The following TRO variants were observed in gnomAD, a reference collection of about 807,000 sequenced individuals.
TRO encodes the protein trophinin, also known as MAGE superfamily protein.
Under a neutral mutation model 42.3 loss-of-function variants are expected in TRO, and 29 were observed. That is an observed-to-expected ratio of 0.68 (90% CI 0.51 to 0.93). The LOEUF (loss-of-function observed/expected upper bound fraction) is 0.93, where lower values mean the gene tolerates loss of function less well. Ranked by LOEUF, TRO falls within the 40% of genes least tolerant of loss-of-function variation. The probability of loss-of-function intolerance (pLI) is 0.00; values close to 1 mark genes in which losing one functional copy is unlikely to be tolerated. For synonymous variants in TRO, 384 were observed against 425.2 expected, an observed-to-expected ratio of 0.90 and a Z score of 1.19; for missense variants, 963 against 1,127.7, an observed-to-expected ratio of 0.85 and a Z score of 2.09.
At position 54,922,641 on chromosome X, in the gene TRO, A is replaced by G. The variant is rs751953629; in HGVS notation, c.109A>G (p.Thr37Ala). The G allele has an allele frequency of 8.3e-7, 1 of 1,211,228 alleles. No homozygotes were observed. The highest frequency in any genetic ancestry group is 2.2e-5 in the Admixed American group (1 of 45,981). Residue 37 changes from threonine to alanine, a missense_variant, in exon 3 of 13, where the codon ACA (threonine) becomes GCA (alanine). Around this residue, in one of 2 missense-constraint regions of TRO, gnomAD observed 322 missense variants for 316.5 expected, o/e 1.02. Transcript: ENST00000173898. ...CCCTCCAGATATACAGACTGAGACC[A>G]CAGAAGAGGACAGTGTCCTGCTGAT... ...PFPPDIQTET[T>A]EEDSVLLMHT...
intron 2 of TRO, 67 bp downstream of exon 2, chrX:54,922,358 C>G: frequency 9.0e-7 from 1 of 1,107,958 alleles, no homozygotes; most frequent in African/African-American, 1.8e-5. Context: ...GCTCTTCAGA[C>G]CCCTTCCACC....
Position 54,929,816 on chromosome X carries a change from G to A in TRO, c.3092G>A (p.Gly1031Asp). The change falls in exon 12 of 13, where the codon GGT (glycine) becomes GAT (aspartate). Residue 1031 changes from glycine to aspartate, a missense_variant. Transcript: ENST00000173898. ...SALNTNAGYG[G>D]AVSTNTDFGG... ...CTCAACACCAATGCTGGTTATGGTG[G>A]TGCTGTCAGCACCAACACTGACTTT... 4 of 1,210,391 alleles carry A rather than the reference G, an allele frequency of 3.3e-6. No individual in the cohort carries two copies. The highest frequency in any genetic ancestry group is 4.5e-6 in the Non-Finnish European group (4 of 895,122).
At chrX:54,922,400 C>T in intron 2 of TRO, 109 bp downstream of exon 2, 1 of 992,141 alleles carries the variant, frequency 1.0e-6, no homozygotes, top group East Asian at 3.3e-5. Flanking sequence ...CCTAACTCGT[C>T]TCAGTCCTCC....
rs1304348096 is a variant in TRO at position 54,923,445 on chromosome X, G to T, written c.913G>T (p.Ala305Ser). Residue 305 changes from alanine (A) to serine (S), a missense_variant, in exon 3 of 13, where the codon GCT (alanine) becomes TCT (serine). This residue lies in a region of TRO where 322 missense variants were observed against 316.5 expected (regional missense o/e 1.02). Coordinates refer to ENST00000173898, the MANE Select transcript of TRO (RefSeq NM_001039705.3). ...GCCCAAAAAATCCAAGGGCAAGAAG[G>T]CTGCCAGCAGGGGCCCAAATTCTGT... Reference protein sequence around the residue: ...IRPKKSKGKKAASRGPNSVSE... With the variant: ...IRPKKSKGKKSASRGPNSVSE... The T allele has an allele frequency of 2.4e-5, 28 of 1,189,922 alleles. No individual in the cohort carries two copies. The highest frequency in any genetic ancestry group is 3.2e-5 in the Non-Finnish European group (28 of 884,356).
chrX:54,930,944 G>A lies in TRO; in HGVS notation c.4220G>A (p.Gly1407Asp). 8.3e-7 allele frequency: 1 copy of A among 1,209,592 alleles called. No homozygotes were observed. Among genetic ancestry groups the A allele is most frequent in the Non-Finnish European group, 1.1e-6 (1 of 893,983 alleles). The change falls in exon 12 of 13, where the codon GGT becomes GAT. Residue 1407 changes from glycine to aspartate, a missense_variant. By Grantham distance (94) the Gly-to-Asp change is moderately conservative (BLOSUM62 -1). This residue lies in a region of TRO where 641 missense variants were observed against 811.3 expected (regional missense o/e 0.79). Coordinates refer to ENST00000173898, the MANE Select transcript of TRO (RefSeq NM_001039705.3). ...GGGPNTGAGFGGGPSTSAGFG... is the reference protein window; with the variant it reads ...GGGPNTGAGFDGGPSTSAGFG... Reference sequence around the variant, plus strand: ...GGACCAAACACTGGTGCTGGCTTTGGTGGTGGACCGAGCACCAGTGCTGGC... The same window carrying A: ...GGACCAAACACTGGTGCTGGCTTTGATGGTGGACCGAGCACCAGTGCTGGC...
At position 54,929,747 on chromosome X, in the gene TRO, G is replaced by T. The variant is rs1265586540; in HGVS notation, c.3023G>T (p.Cys1008Phe). 3 of 1,212,058 alleles carry T rather than the reference G, an allele frequency of 2.5e-6. No homozygotes were observed. In the East Asian group the frequency reaches 8.9e-5, roughly 36 times the overall value. The change falls in exon 12 of 13, where the codon TGC becomes TTC. Residue 1008 changes from cysteine (C) to phenylalanine (F), a missense_variant. Cys to Phe is a radical substitution (Grantham distance 205). This residue lies in a region of TRO where 641 missense variants were observed against 811.3 expected (regional missense o/e 0.79). Coordinates refer to ENST00000173898, the MANE Select transcript of TRO (RefSeq NM_001039705.3). The stretch of plus-strand genomic sequence containing the variant: ...GGCGGTACACTAAGCACCAGTGTCT[G>T]CTTTGGTGGCTCTCCTGGCACCAGT... ...DFGGTLSTSV[C>F]FGGSPGTSVS...
chrX:54,928,602 G>C lies in TRO; in HGVS notation c.1879-1G>C, dbSNP rs760415261. On this transcript the variant is annotated splice_acceptor_variant, in intron 11 of 12. Transcript: ENST00000173898. LOFTEE classifies it high-confidence loss of function. ...TATTATGATTATCATCCCCATTTCA[G>C]GTGCAGAAGAAAGACCCCAAGGACT... 3.5e-6 allele frequency: 4 copies of C among 1,141,342 alleles called. No individual in the cohort carries two copies. The East Asian group carries it at 9.1e-5, about 26-fold the overall frequency. 94.1% of individuals were successfully genotyped at this position (1,141,342 alleles called of 1,213,427 possible).
chrX:54,928,524 C>T (rs1448496613), intron 11 of TRO, 79 bp from the exon 12 acceptor site: 11 of 1,069,371 alleles, frequency 1.0e-5, no homozygotes, highest in Non-Finnish European at 1.4e-5. Context: ...AGTATTGCTA[C>T]TAGTTTAATA....
intron 6 of TRO, 63 bp downstream of exon 6, chrX:54,925,131 A>G (rs1932592244): frequency 2.9e-6 from 3 of 1,039,315 alleles, no homozygotes; most frequent in Middle Eastern, 2.8e-4. Flanking sequence ...AAAGACATAC[A>G]TGTCCCTTTT....
chrX:54,921,175 A>G (rs946686893), intron 1 of TRO: 2 of 110,839 alleles, frequency 1.8e-5, no homozygotes, highest in African/African-American at 6.6e-5. Flanking sequence ...AATCCTTCAG[A>G]CGGTAGCAAG....
At chrX:54,923,877 T>G in intron 3 of TRO, 109 bp downstream of exon 3, 1 of 821,637 alleles carries the variant, frequency 1.2e-6, no homozygotes, top group South Asian at 2.7e-5. Context: ...AGTCCCTGTG[T>G]TCAGATAGGC....
At chrX:54,927,293 G>T in intron 10 of TRO, 188 bp downstream of exon 10, 1 of 521,445 alleles carries the variant, frequency 1.9e-6, no homozygotes, top group African/African-American at 2.3e-5. Context: ...CTCAACACAA[G>T]GCCCTTGCAG....
In TRO at chrX:54,927,715, G is replaced by A; in HGVS notation, c.1812G>A (p.Glu604=). 1 of 1,211,609 alleles carries A rather than the reference G, an allele frequency of 8.3e-7. No individual in the cohort carries two copies. The change falls in exon 11 of 13, where the codon GAG becomes GAA. Residue 604 remains glutamate, a synonymous_variant. Transcript: ENST00000173898. ...RVPNSRPPEY[E]FFWGLRSYHE... ...CTAACAGCAGACCACCTGAATATGAGTTCTTCTGGGGCTTGCGCTCCTACC... is the reference window on the plus strand; with the variant it reads ...CTAACAGCAGACCACCTGAATATGAATTCTTCTGGGGCTTGCGCTCCTACC...
At position 54,927,689 on chromosome X, in the gene TRO, C is replaced by T; in HGVS notation, c.1786C>T (p.Pro596Ser). 1 of 1,210,363 alleles carries T rather than the reference C, an allele frequency of 8.3e-7. No homozygotes were observed. ...AAGGTACCTGGAGTACAAGAGGGTCCCTAACAGCAGACCACCTGAATATGA... is the reference window on the plus strand; with the variant it reads ...AAGGTACCTGGAGTACAAGAGGGTCTCTAACAGCAGACCACCTGAATATGA... ...KQKYLEYKRV[P>S]NSRPPEYEFF... Residue 596 changes from proline to serine, a missense_variant, in exon 11 of 13, where the codon CCT becomes TCT. By Grantham distance (74) the Pro-to-Ser change is moderately conservative (BLOSUM62 -1). Around this residue, in one of 2 missense-constraint regions of TRO, gnomAD observed 641 missense variants for 811.3 expected, o/e 0.79. Transcript: ENST00000173898.
chrX:54,928,555 A>G, intron 11 of TRO, 48 bp from the exon 12 acceptor site: 7 of 1,131,455 alleles, frequency 6.2e-6, no homozygotes, highest in Non-Finnish European at 8.2e-6. Context: ...AGGTTAATAC[A>G]TGATTACTAG....
rs1932796828 is a variant in TRO at position 54,927,239 on chromosome X, T to G, written c.1763+134T>G. ...GCATCCTGTGTCCTAGAACTGATAC[T>G]GTCTAAAATTCCCATGGGCAGACCT... On this transcript the variant is annotated intron_variant, in intron 10 of 12. Transcript: ENST00000173898. The G allele has an allele frequency of 6.7e-6, 5 of 744,686 alleles. No homozygotes were observed. The Admixed American group carries it at 1.5e-4, about 22-fold the overall frequency. The allele number at this position is 744,686 out of a possible 1,213,427, so 61.4% of individuals were successfully genotyped here.
At chrX:54,923,862 G>T in intron 3 of TRO, 94 bp downstream of exon 3, 2 of 912,561 alleles carry the variant, frequency 2.2e-6, no homozygotes, top group Non-Finnish European at 3.0e-6. Context: ...GTTTTACTTT[G>T]AGCTAGTCCC....
chrX:54,930,912 C>T lies in TRO; in HGVS notation c.4188C>T (p.Phe1396=), dbSNP rs750543072. The change falls in exon 12 of 13, where the codon TTC becomes TTT. Residue 1396 remains phenylalanine (F), a synonymous_variant. Coordinates refer to ENST00000173898, the MANE Select transcript of TRO (RefSeq NM_001039705.3). ...FSGGPSTGAG[F]GGGPNTGAGF... ...GTGGACCGAGCACAGGAGCTGGCTT[C>T]GGCGGTGGACCAAACACTGGTGCTG... The T allele has an allele frequency of 6.7e-6, 8 of 1,201,682 alleles. No homozygotes were observed. The highest frequency in any genetic ancestry group is 2.3e-4 in the Middle Eastern group (1 of 4,344).
intron 9 of TRO, 148 bp downstream of exon 9, chrX:54,926,773 A>G: frequency 1.1e-6 from 1 of 896,624 alleles, no homozygotes; most frequent in South Asian, 2.4e-5. Flanking sequence ...TGGGTGGATG[A>G]CGGGCAAATG....
Sources: allele counts gnomAD v4.1 joint callset, GRCh38; gene constraint gnomAD v4.1.1; regional missense constraint gnomAD v4.1.1; transcripts MANE v1.5; gene names NCBI Gene and HGNC (gene_info 2026-07-23, HGNC 2026-07-21).